The following ERN2 variants were observed in gnomAD, a reference collection of about 807,000 sequenced individuals.
ERN2 encodes serine/threonine-protein kinase/endoribonuclease IRE2.
Under a neutral mutation model 107.9 loss-of-function variants are expected in ERN2, and 111 were observed. That is an observed-to-expected ratio of 1.03 (90% CI 0.88 to 1.20). The LOEUF is 1.20. Among genes scored for constraint, ERN2 ranks in the 50% most tolerant of loss-of-function variants. The probability of loss-of-function intolerance (pLI) is 0.00; values close to 1 mark genes in which losing one functional copy is unlikely to be tolerated. For missense variants in ERN2, 1,225 were observed against 1,197.9 expected, an observed-to-expected ratio of 1.02 and a Z score of -0.33; for synonymous variants, 524 against 501.7, an observed-to-expected ratio of 1.04 and a Z score of -0.59.
chr16:23,710,214 G>T lies in ERN2; in HGVS notation c.264C>A (p.Gly88=), dbSNP rs1240886131. The part of the protein sequence containing the change: ...EMAFLSDPAD[G]SLYILGTQKQ... ...TTTGGGTCCCCAAGATGTACAGGCTGCCATCTGCTGGGTCAGAGAGAAAGG... is the reference window on the plus strand; with the variant it reads ...TTTGGGTCCCCAAGATGTACAGGCTTCCATCTGCTGGGTCAGAGAGAAAGG... The change falls in exon 4 of 22, where the codon GGC becomes GGA. Residue 88 remains glycine, a synonymous_variant. Transcript: ENST00000256797. The T allele has an allele frequency of 1.9e-6, 3 of 1,613,946 alleles. No homozygotes were observed. The highest frequency in any genetic ancestry group is 1.7e-6 in the Non-Finnish European group (2 of 1,179,818).
rs560790686 is a variant in ERN2, at chr16:23,691,157, C to T, written c.2540G>A (p.Arg847Gln). ...KFRSYKGTSV[R>Q]DLLRAVRNKK... ...GTTCCTCACAGCACGGAGCAGGTCT[C>T]GCACTGATGTCCCCTTATAGGACCG... Residue 847 changes from arginine (R) to glutamine (Q), a missense_variant, in exon 21 of 22, where the codon CGA becomes CAA. Arg to Gln is a conservative substitution (Grantham distance 43). Coordinates refer to ENST00000256797, the MANE Select transcript of ERN2 (RefSeq NM_033266.4). 2.0e-5 allele frequency: 32 copies of T among 1,614,014 alleles called. No individual in the cohort carries two copies. The highest frequency in any genetic ancestry group is 1.6e-4 in the Middle Eastern group (1 of 6,062).
At chr16:23,703,784 A>G (rs1190321009) in intron 8 of ERN2, among the ~76,000 whole-genome samples, 1 of 151,706 alleles carries the variant, frequency 6.6e-6, no homozygotes, top group Admixed American at 6.6e-5. Context: ...CTCATTTCCT[A>G]TTCATTTTTT....
rs150579346 is a variant in ERN2, at chr16:23,710,994, G to A, written c.118C>T (p.Leu40Phe). ...PQVHTLRPEN[L>F]LLVSTLDGSL... ...CCATCCAAGGTGGACACCAGCAGGA[G>A]GTTCTCTGGCCTGAGAGTATGAACC... is the stretch of plus-strand genomic sequence containing the variant. Residue 40 changes from leucine (L) to phenylalanine (F), a missense_variant, in exon 2 of 22, where the codon CTC (leucine) becomes TTC (phenylalanine). By Grantham distance (22) the Leu-to-Phe change is conservative. Transcript: ENST00000256797. The A allele has an allele frequency of 1.2e-6, 2 of 1,614,044 alleles. No individual in the cohort carries two copies. Among genetic ancestry groups the A allele is most frequent in the East Asian group, 2.2e-5 (1 of 44,874 alleles).
chr16:23,694,116 C>T (rs1318452246), intron 17 of ERN2, among the ~76,000 whole-genome samples: 1 of 152,150 alleles, frequency 6.6e-6, no homozygotes, highest in Non-Finnish European at 1.5e-5. Context: ...CCACCTCAGC[C>T]TCCCAAGTAG....
Position 23,694,885 on chromosome 16 carries a change from G to A in ERN2, c.1943C>T (p.Pro648Leu). The A allele has an allele frequency of 6.2e-7, 1 of 1,614,238 alleles. No homozygotes were observed. The highest frequency in any genetic ancestry group is 8.5e-7 in the Non-Finnish European group (1 of 1,180,036). Residue 648 changes from proline to leucine, a missense_variant, in exon 17 of 22, where the codon CCT becomes CTT. Coordinates refer to ENST00000256797, the MANE Select transcript of ERN2 (RefSeq NM_033266.4). ...LKPGNILITG[P>L]DSQGLGRVVL... ...CACTCTGCCCAGGCCCTGGCTGTCA[G>A]GCCCGGTGATGAGAATATTTCCTGG...
rs1050148640 is a variant in ERN2 at position 23,702,812 on chromosome 16, A to G, written c.855-110T>C. 6 of 932,546 alleles carry G rather than the reference A, an allele frequency of 6.4e-6. No homozygotes were observed. The East Asian group carries it at 1.4e-4, about 23-fold the overall frequency. 57.8% of individuals were successfully genotyped at this position (932,546 alleles called of 1,614,324 possible). On this transcript the variant is annotated intron_variant, in intron 8 of 21. Coordinates refer to ENST00000256797, the MANE Select transcript of ERN2 (RefSeq NM_033266.4). ...TTTCCCTCTCACATTGACTCAGCTT[A>G]GCCATGAGACTTGCTTTAATCAATT... is the stretch of plus-strand genomic sequence containing the variant.
Position 23,691,980 on chromosome 16 carries a change from G to A in ERN2, c.2359C>T (p.Gln787Ter), listed in dbSNP as rs1329662121. 6.2e-7 allele frequency: 1 copy of A among 1,613,240 alleles called. No homozygotes were observed. Among genetic ancestry groups the A allele is most frequent in the South Asian group, 1.1e-5 (1 of 90,976 alleles). Residue 787 changes from glutamine (Q) to a stop codon, truncating the protein, a stop_gained, in exon 19 of 22, where the codon CAA (glutamine) becomes TAA (stop). Coordinates refer to ENST00000256797, the MANE Select transcript of ERN2 (RefSeq NM_033266.4). LOFTEE classifies it high-confidence loss of function. ...CTTCTGACCTGGAAGAACTGGAGTT[G>A]CTTGGCTCTGCTCCAAAAGAAGGGG... ...AHPFFWSRAK[Q>*]LQFFQDVSDW...
At chr16:23,699,200 T>G (rs1959948540) in intron 13 of ERN2, among the ~76,000 whole-genome samples, 1 of 152,156 alleles carries the variant, frequency 6.6e-6, no homozygotes, top group Non-Finnish European at 1.5e-5. Context: ...GGGAGCTGTT[T>G]TCCTCTGGGC....
rs765119605 is a variant in ERN2 at position 23,700,982 on chromosome 16, A to G, written c.1336T>C (p.Trp446Arg). The change falls in exon 12 of 22, where the codon TGG becomes CGG. Residue 446 changes from tryptophan to arginine, a missense_variant. Physicochemically the swap from Trp to Arg is moderately radical, Grantham distance 101. Transcript: ENST00000256797. The part of the protein sequence containing the change: ...ASLTAVLLGG[W>R]ILFVMRQQQP... The stretch of plus-strand genomic sequence containing the variant: ...ACCTGCCTCATCACAAAGAGAATCC[A>G]CCCTCCCAGGAGGACAGCAGTGAGG... The G allele has an allele frequency of 6.2e-7, 1 of 1,613,842 alleles. No homozygotes were observed.
intron 4 of ERN2, chr16:23,709,305 T>G (rs1298998940): frequency 5.7e-6 from 2 of 348,844 alleles, no homozygotes; most frequent in Non-Finnish European, 1.1e-5. Context: ...TTTAAAAAAT[T>G]TGTTTAAATT....
rs575618844 is a variant in ERN2, at chr16:23,690,513, G to A, written c.*318C>T. The A allele has an allele frequency of 2.1e-6, 1 of 476,806 alleles. No individual in the cohort carries two copies. Among genetic ancestry groups the A allele is most frequent in the East Asian group, 3.9e-5 (1 of 25,830 alleles). 29.5% of individuals were successfully genotyped at this position (476,806 alleles called of 1,614,324 possible). ...TCTGTGGACCAGGCTGGAGTGCAGT[G>A]GCATGATCCTGGCTCACTGCAGCCT... On this transcript the variant is annotated 3_prime_UTR_variant, in exon 22 of 22. Coordinates refer to ENST00000256797, the MANE Select transcript of ERN2 (RefSeq NM_033266.4).
chr16:23,700,426 A>T (rs771200899), intron 13 of ERN2, 113 bp downstream of exon 13: 52 of 1,025,674 alleles, frequency 5.1e-5, no homozygotes, highest in Non-Finnish European at 6.5e-5. Context: ...TTCTTAATTC[A>T]TGTAGACCTA....
chr16:23,700,645 A>G lies in ERN2; in HGVS notation c.1419T>C (p.Ala473=). 1.2e-6 allele frequency: 2 copies of G among 1,614,030 alleles called. No homozygotes were observed. Among genetic ancestry groups the G allele is most frequent in the Non-Finnish European group, 1.7e-6 (2 of 1,179,986 alleles). ...QETPLAPADF[A]HISQDAQSLH... is the part of the protein sequence containing the mutation. ...GGGACTGGGCATCCTGGGAGATGTGAGCAAAGTCTGCAGGTGCCAGGGGGG... is the reference window on the plus strand; with the variant it reads ...GGGACTGGGCATCCTGGGAGATGTGGGCAAAGTCTGCAGGTGCCAGGGGGG... Residue 473 remains alanine (A), a synonymous_variant, in exon 13 of 22, where the codon GCT becomes GCC. Coordinates refer to ENST00000256797, the MANE Select transcript of ERN2 (RefSeq NM_033266.4).
Position 23,692,350 on chromosome 16 carries a change from G to T in ERN2, c.2101-19C>A. 1.2e-6 allele frequency: 2 copies of T among 1,608,896 alleles called. No homozygotes were observed. Among genetic ancestry groups the T allele is most frequent in the Non-Finnish European group, 1.7e-6 (2 of 1,179,734 alleles). On this transcript the variant is annotated intron_variant, in intron 17 of 21. Transcript: ENST00000256797. The stretch of plus-strand genomic sequence containing the variant: ...CGCTGGTCTGGAGCCAGAGAGATGG[G>T]CATGAGAAGGAAATCTCTGCTTCCA...
chr16:23,691,832 G>C (rs1959608072), intron 19 of ERN2, 131 bp downstream of exon 19: 3 of 1,294,340 alleles, frequency 2.3e-6, no homozygotes, highest in Non-Finnish European at 3.2e-6. Flanking sequence ...TCCCAGTTTA[G>C]GGAAAGAGCC....
rs1386584415 is a variant in ERN2 at position 23,710,217 on chromosome 16, A to G, written c.261T>C (p.Asp87=). 6.2e-7 allele frequency: 1 copy of G among 1,614,040 alleles called. No homozygotes were observed. The highest frequency in any genetic ancestry group is 8.5e-7 in the Non-Finnish European group (1 of 1,179,886). Residue 87 remains aspartate (D), a synonymous_variant, in exon 4 of 22, where the codon GAT becomes GAC. Transcript: ENST00000256797. Reference sequence around the variant, plus strand: ...GGGTCCCCAAGATGTACAGGCTGCCATCTGCTGGGTCAGAGAGAAAGGCCA... The same window carrying G: ...GGGTCCCCAAGATGTACAGGCTGCCGTCTGCTGGGTCAGAGAGAAAGGCCA... ...TEMAFLSDPA[D]GSLYILGTQK...
chr16:23,709,211 G>T (rs1231345118), intron 4 of ERN2: 1 of 455,408 alleles, frequency 2.2e-6, no homozygotes, highest in East Asian at 7.0e-5. Context: ...TGCGAGGATT[G>T]CTTGAGGCCA....
At chr16:23,695,738 A>AC (rs1318815260) in intron 14 of ERN2, among the ~76,000 whole-genome samples, 156 bp downstream of exon 14, 4 of 151,302 alleles carry the variant, frequency 2.6e-5, no homozygotes, top group African/African-American at 9.7e-5. Context: ...AAAAAAAAAA[A>AC]AAAAAAAAAC....
Position 23,694,913 on chromosome 16 carries a change from T to C in ERN2, c.1915A>G (p.Lys639Glu). 1.9e-6 allele frequency: 3 copies of C among 1,614,180 alleles called. No individual in the cohort carries two copies. The highest frequency in any genetic ancestry group is 2.5e-6 in the Non-Finnish European group (3 of 1,180,026). The stretch of plus-strand genomic sequence containing the variant: ...CCGGTGATGAGAATATTTCCTGGCT[T>C]CAGGTCCCGGTGCACTGTGGGAGAG... The part of the protein sequence containing the change: ...HSLHIVHRDL[K>E]PGNILITGPD... Residue 639 changes from lysine (K) to glutamate (E), a missense_variant, in exon 17 of 22, where the codon AAG becomes GAG. By Grantham distance (56) the Lys-to-Glu change is moderately conservative. Coordinates refer to ENST00000256797, the MANE Select transcript of ERN2 (RefSeq NM_033266.4).
Sources: allele counts gnomAD v4.1 joint callset (sites outside exome capture counted in the v4.1 genomes callset), GRCh38; gene constraint gnomAD v4.1.1; transcripts MANE v1.5; gene names NCBI Gene and HGNC (gene_info 2026-07-23, HGNC 2026-07-21).